Variants in GLMN observed in about 807,000 individuals in gnomAD.
GLMN encodes the protein glomulin.
GLMN carries 75 observed loss-of-function variants against 87.8 expected under a neutral mutation model. The observed-to-expected ratio is 0.85, with a 90% CI of 0.71 to 1.04. The LOEUF (loss-of-function observed/expected upper bound fraction) is 1.04, where lower values mean the gene tolerates loss of function less well. Among genes scored for constraint, GLMN ranks in the 50% least tolerant of loss-of-function variants. GLMN has a pLI of 0.00. For synonymous variants in GLMN, 206 were observed against 221.6 expected, an observed-to-expected ratio of 0.93 and a Z score of 0.63; for missense variants, 588 against 658.8, an observed-to-expected ratio of 0.89 and a Z score of 1.18.
the GLMN span, among the ~76,000 whole-genome samples, chr1:92,320,312 C>T: frequency 5.9e-5 from 9 of 151,974 alleles, no homozygotes; most frequent in South Asian, 1.9e-3. Flanking sequence ...CTCGCTCTGT[C>T]GCCAGGCTGG....
intron 7 of GLMN, among the ~76,000 whole-genome samples, chr1:92,280,065 G>T (rs553894113): frequency 6.6e-6 from 1 of 152,386 alleles, no homozygotes; most frequent in African/African-American, 2.4e-5. Context: ...GACAGCTTCT[G>T]CAGACTTAAA....
intron 4 of GLMN, among the ~76,000 whole-genome samples, chr1:92,291,026 A>C (rs937992440): frequency 6.6e-6 from 1 of 152,198 alleles, no homozygotes; most frequent in African/African-American, 2.4e-5. Flanking sequence ...ACATACCACA[A>C]AGGAAAGAGG....
chr1:92,271,007 A>G (rs554239752), intron 8 of GLMN, among the ~76,000 whole-genome samples: 2 of 150,522 alleles, frequency 1.3e-5, no homozygotes, highest in South Asian at 2.1e-4. Context: ...CTTTATTCTT[A>G]AAGCAATAAA....
At chr1:92,320,760 C>A in the GLMN span, 1 of 609,434 alleles carries the variant, frequency 1.6e-6, no homozygotes, top group South Asian at 2.9e-5. Context: ...CCCATTCTAG[C>A]CCACACAAAG....
chr1:92,259,573 G>A lies in GLMN; in HGVS notation c.1473+3290C>T, dbSNP rs192973266. 4.5e-4 allele frequency among the ~76,000 whole-genome samples: 69 copies of A among 152,150 alleles called. No homozygotes were observed. In the Middle Eastern group the frequency reaches 0.014, roughly 30 times the overall value. The stretch of plus-strand genomic sequence containing the variant: ...ATGTGATTCTCTTCTTAATCTTCCT[G>A]TTCATATTTCTGACTGTGTGTCTGC... On this transcript the variant is annotated intron_variant, in intron 16 of 18. Coordinates refer to ENST00000370360, the MANE Select transcript of GLMN (RefSeq NM_053274.3).
At chr1:92,291,265 C>A (rs572919554) in intron 4 of GLMN, among the ~76,000 whole-genome samples, 153 bp downstream of exon 4, 3 of 152,280 alleles carry the variant, frequency 2.0e-5, no homozygotes, top group African/African-American at 7.2e-5. Context: ...AATTGCCTAT[C>A]CAATCAATAA....
At chr1:92,290,651 G>A (rs1649299242) in intron 4 of GLMN, among the ~76,000 whole-genome samples, 1 of 152,172 alleles carries the variant, frequency 6.6e-6, no homozygotes. Flanking sequence ...GACTAGTCTG[G>A]AATCTCTTTT....
the GLMN span, among the ~76,000 whole-genome samples, chr1:92,327,763 T>C: frequency 1.6e-4 from 24 of 152,290 alleles, no homozygotes; most frequent in Admixed American, 6.5e-4. Flanking sequence ...GTGAGATTTA[T>C]GCTTTAAAGA....
At chr1:92,304,222 G>A in the GLMN span, 401 of 1,219,104 alleles carry the variant, frequency 3.3e-4, no homozygotes, top group African/African-American at 5.4e-3. Flanking sequence ...ACTTAATCTT[G>A]TAACATAACG....
chr1:92,299,004 A>G (rs1487311320), upstream of GLMN: 1 of 741,644 alleles, frequency 1.3e-6, no homozygotes, highest in Non-Finnish European at 2.1e-6. Context: ...GCCCCGCGCT[A>G]CGCGTAGGGA....
intron 14 of GLMN, among the ~76,000 whole-genome samples, chr1:92,264,039 A>C (rs1247439393): frequency 6.6e-6 from 1 of 152,188 alleles, no homozygotes; most frequent in Non-Finnish European, 1.5e-5. Context: ...AAAGAGGCCC[A>C]GAGTGATGAC....
At chr1:92,271,210 A>C (rs917097247) in intron 8 of GLMN, among the ~76,000 whole-genome samples, 1 of 152,210 alleles carries the variant, frequency 6.6e-6, no homozygotes, top group Non-Finnish European at 1.5e-5. Flanking sequence ...AAGCTTCAAA[A>C]CCAAGCCCTG....
chr1:92,289,411 T>C (rs1649143343), intron 5 of GLMN, among the ~76,000 whole-genome samples: 1 of 152,206 alleles, frequency 6.6e-6, no homozygotes, highest in Admixed American at 6.5e-5. Context: ...GACAGAAACA[T>C]GTTCTTTCCA....
Position 92,291,123 on chromosome 1 carries a change from C to T in GLMN, c.285+295G>A, listed in dbSNP as rs370339719. Among the ~76,000 whole-genome samples the T allele has an allele frequency of 8.5e-4, 130 of 152,284 alleles. 1 individual carries two copies. In the South Asian group the frequency reaches 0.023, roughly 27 times the overall value. On this transcript the variant is annotated intron_variant, in intron 4 of 18. Transcript: ENST00000370360. ...CTAAAGCTTGTATTCCACATCTATA[C>T]GATAAGGCTACTTGTTAAGATATAG... is the stretch of plus-strand genomic sequence containing the variant.
intron 7 of GLMN, among the ~76,000 whole-genome samples, chr1:92,285,043 G>A (rs1648563775): frequency 1.3e-5 from 2 of 152,154 alleles, no homozygotes; most frequent in African/African-American, 4.8e-5. Flanking sequence ...AACCATTGTG[G>A]AAGACAGTGT....
chr1:92,350,284 CTT>C, the GLMN span, among the ~76,000 whole-genome samples: 4 of 152,168 alleles, frequency 2.6e-5, no homozygotes, highest in African/African-American at 4.8e-5. Flanking sequence ...AAAATGTCCT[CTT>C]ATTCTTATTT....
chr1:92,317,659 A>G, the GLMN span, among the ~76,000 whole-genome samples: 1 of 152,310 alleles, frequency 6.6e-6, no homozygotes, highest in Admixed American at 6.5e-5. Context: ...ACTTCATGCT[A>G]CTGAACTATA....
chr1:92,294,373 T>C (rs72958775), intron 3 of GLMN, among the ~76,000 whole-genome samples: 5,656 of 152,222 alleles, frequency 0.037, 268 homozygotes, highest in African/African-American at 0.11. Flanking sequence ...TCTCCCCACT[T>C]ATCTGCAGGG....
upstream of GLMN, among the ~76,000 whole-genome samples, chr1:92,301,225 G>A (rs1028224403): frequency 1.3e-5 from 2 of 152,176 alleles, no homozygotes; most frequent in African/African-American, 2.4e-5. Flanking sequence ...GGCTTATGCC[G>A]GTGATCCCAG....
Sources: gnomAD v4.1 joint callset for allele counts (sites outside exome capture counted in the v4.1 genomes callset) on GRCh38, gnomAD v4.1.1 for gene constraint, MANE v1.5 for transcripts, NCBI Gene and HGNC (gene_info 2026-07-23, HGNC 2026-07-21) for gene names.